The following KIAA1671 variants were observed in gnomAD, a reference collection of about 807,000 sequenced individuals.
The protein encoded by KIAA1671 is uncharacterized protein KIAA1671.
A neutral mutation model predicts 131.2 loss-of-function variants in KIAA1671; 52 were observed. The observed-to-expected ratio is 0.40, with a 90% CI of 0.32 to 0.50. The LOEUF is 0.50. Ranked by LOEUF, KIAA1671 falls within the 20% of genes least tolerant of loss-of-function variation. KIAA1671 has a pLI of 0.73. For missense variants in KIAA1671, 2,360 were observed against 2,364.2 expected (o/e 1.00, Z 0.04); for synonymous variants, 1,003 against 961.6 (o/e 1.04, Z -0.80).
chr22:25,142,644 G>A (rs576368037), intron 6 of KIAA1671, among the ~76,000 whole-genome samples: 1 of 152,314 alleles, frequency 6.6e-6, no homozygotes, highest in East Asian at 1.9e-4. Context: ...GGCCGAGGCG[G>A]GTGGGTCACC....
intron 1 of KIAA1671, among the ~76,000 whole-genome samples, chr22:24,982,337 ACT>A (rs988917552): frequency 6.6e-6 from 1 of 152,168 alleles, no homozygotes; most frequent in African/African-American, 2.4e-5. Flanking sequence ...AAGTGGCCTT[ACT>A]CTCTCTTTGC....
chr22:25,100,797 G>A (rs1930621771), intron 6 of KIAA1671, among the ~76,000 whole-genome samples: 1 of 152,202 alleles, frequency 6.6e-6, no homozygotes, highest in Non-Finnish European at 1.5e-5. Context: ...CCCTGCTATA[G>A]TACCTGGTTC....
chr22:25,163,962 T>C (rs1933551326), intron 6 of KIAA1671, among the ~76,000 whole-genome samples: 1 of 152,096 alleles, frequency 6.6e-6, no homozygotes, highest in Admixed American at 6.5e-5. Context: ...TGGGGACATA[T>C]ATTATGGGTT....
rs1354941268 is a variant in KIAA1671 at position 24,968,564 on chromosome 22, T to G, written c.-208+15792T>G. Among the ~76,000 whole-genome samples, 5 of 152,174 alleles carry G rather than the reference T, an allele frequency of 3.3e-5. No homozygotes were observed. The East Asian group carries it at 5.8e-4, about 18-fold the overall frequency. On this transcript the variant is annotated intron_variant, in intron 1 of 12. Transcript: ENST00000358431. Reference sequence around the variant, plus strand: ...GAATGGGGGTGCTGATCTCTGTCTTTCAGCCTGGCTGGGAGCTCTTAGCAG... The same window carrying G: ...GAATGGGGGTGCTGATCTCTGTCTTGCAGCCTGGCTGGGAGCTCTTAGCAG...
At chr22:25,182,893 C>T (rs910046467) in intron 10 of KIAA1671, among the ~76,000 whole-genome samples, 57 of 152,262 alleles carry the variant, frequency 3.7e-4, no homozygotes, top group African/African-American at 1.4e-3. Flanking sequence ...CACAGGAAGC[C>T]AGTGCTGGAA....
Position 25,039,167 on chromosome 22 carries a change from C to G in KIAA1671, c.2037C>G (p.Pro679=). Residue 679 remains proline (P), a synonymous_variant, in exon 5 of 13, where the codon CCC becomes CCG. Transcript: ENST00000358431. ...KKENSRGFDN[P]ETEKLGPTTL... ...AGAACTCCAGAGGGTTTGACAATCC[C>G]GAGACGGAGAAATTGGGACCAACCA... 3 of 1,551,842 alleles carry G rather than the reference C, an allele frequency of 1.9e-6. No homozygotes were observed. The highest frequency in any genetic ancestry group is 2.6e-6 in the Non-Finnish European group (3 of 1,147,086).
intron 6 of KIAA1671, chr22:25,062,766 A>G (rs11704260): frequency 0.16 from 24,498 of 151,058 alleles, 2,257 homozygotes; most frequent in African/African-American, 0.23. Flanking sequence ...CAGGCTGGGA[A>G]CTGAGAGGAT....
intron 11 of KIAA1671, 161 bp downstream of exon 11, chr22:25,185,280 A>G: frequency 1.2e-6 from 1 of 834,790 alleles, no homozygotes; most frequent in Non-Finnish European, 1.8e-6. Flanking sequence ...CAATACTCAG[A>G]TACCTAAAAA....
Position 24,978,209 on chromosome 22 carries a change from G to GA in KIAA1671, c.-208+25439dup, listed in dbSNP as rs544524925. On this transcript the variant is annotated intron_variant, in intron 1 of 12. Transcript: ENST00000358431. ...AGAGGGACCTGGTGGGAGATAATTT[G>GA]AATCACGGGGGCGGTTTTCCCCATG... Among the ~76,000 whole-genome samples the GA allele has an allele frequency of 2.0e-3, 310 of 152,258 alleles. 3 individuals are homozygous for GA. The Middle Eastern group carries it at 0.024, about 12-fold the overall frequency.
intron 1 of KIAA1671, among the ~76,000 whole-genome samples, chr22:25,015,227 T>TAA (rs3063199): frequency 1.4e-3 from 164 of 115,814 alleles, no homozygotes; most frequent in African/African-American, 4.1e-3. Flanking sequence ...CCTTGTCCCT[T>TAA]AAAAAAAAAA....
At chr22:25,120,255 G>C (rs534481335) in intron 6 of KIAA1671, among the ~76,000 whole-genome samples, 1 of 152,200 alleles carries the variant, frequency 6.6e-6, no homozygotes, top group Non-Finnish European at 1.5e-5. Flanking sequence ...GGATTCAAGG[G>C]GTTAGACTTA....
intron 1 of KIAA1671, among the ~76,000 whole-genome samples, chr22:24,980,832 C>T (rs770075093): frequency 3.3e-5 from 5 of 151,966 alleles, no homozygotes; most frequent in Admixed American, 6.6e-5. Flanking sequence ...CTGCAACCTC[C>T]ACCTCCGGAG....
chr22:25,129,523 CCA>C (rs1491569756), intron 6 of KIAA1671, among the ~76,000 whole-genome samples: 1 of 149,748 alleles, frequency 6.7e-6, no homozygotes, highest in Non-Finnish European at 1.5e-5. Context: ...AAAAAAAAAC[CCA>C]CAGATTCTGG....
intron 6 of KIAA1671, among the ~76,000 whole-genome samples, chr22:25,129,553 T>A (rs1932340434): frequency 6.6e-6 from 1 of 151,970 alleles, no homozygotes; most frequent in African/African-American, 2.4e-5. Flanking sequence ...AGGCCTGGGT[T>A]TGAATCACAG....
intron 9 of KIAA1671, chr22:25,179,250 A>G: frequency 2.0e-6 from 3 of 1,535,620 alleles, no homozygotes; most frequent in Non-Finnish European, 2.6e-6. Flanking sequence ...AGGTGAACGA[A>G]ACAAAACCAA....
chr22:25,152,054 C>T (rs975994870), intron 6 of KIAA1671, among the ~76,000 whole-genome samples: 22 of 152,216 alleles, frequency 1.4e-4, no homozygotes, highest in Admixed American at 4.6e-4. Flanking sequence ...CTTTGACTGA[C>T]TTCCTGTGTC....
chr22:25,037,727 A>G (rs1926692377), intron 4 of KIAA1671, among the ~76,000 whole-genome samples: 1 of 152,146 alleles, frequency 6.6e-6, no homozygotes, highest in Admixed American at 6.6e-5. Context: ...TTATATTTAT[A>G]TATATGCTGT....
chr22:25,132,474 G>A (rs1394093919), intron 6 of KIAA1671, among the ~76,000 whole-genome samples: 1 of 152,198 alleles, frequency 6.6e-6, no homozygotes, highest in African/African-American at 2.4e-5. Context: ...CCTCCTGAGC[G>A]ACCCGGGGGC....
At chr22:25,007,652 A>G (rs1416967659) in intron 1 of KIAA1671, among the ~76,000 whole-genome samples, 2 of 152,180 alleles carry the variant, frequency 1.3e-5, no homozygotes, top group Admixed American at 6.5e-5. Context: ...ATGTCAGTTT[A>G]TCGTTGCCAT....
Sources: allele counts gnomAD v4.1 joint callset (sites outside exome capture counted in the v4.1 genomes callset), GRCh38; gene constraint gnomAD v4.1.1; transcripts MANE v1.5; gene names NCBI Gene and HGNC (gene_info 2026-07-23, HGNC 2026-07-21).